Variants in EYS observed in about 807,000 individuals in gnomAD.
The protein encoded by EYS is EGF-like photoreceptor maintenance factor.
EYS carries 250 observed loss-of-function variants against 282.1 expected under a neutral mutation model. The ratio of observed to expected loss-of-function variants is 0.89; its 90% CI spans 0.80 to 0.98. The LOEUF (loss-of-function observed/expected upper bound fraction) is 0.98, where lower values mean the gene tolerates loss of function less well. EYS is among the 50% of genes least tolerant of loss of function. The probability of loss-of-function intolerance (pLI) is 0.00; values close to 1 mark genes in which losing one functional copy is unlikely to be tolerated. For synonymous variants in EYS, 1,355 were observed against 1,282.9 expected (o/e 1.06, Z -1.20); for missense variants, 4,016 against 3,709.0 (o/e 1.08, Z -2.15).
intron 31 of EYS, among the ~76,000 whole-genome samples, chr6:64,143,652 A>G (rs922504292): frequency 6.6e-6 from 1 of 152,090 alleles, no homozygotes; most frequent in Non-Finnish European, 1.5e-5. Flanking sequence ...CTCTCTCCAG[A>G]CCCTGTCCCC....
At chr6:63,758,066 A>G (rs971686624) in intron 41 of EYS, among the ~76,000 whole-genome samples, 2 of 151,998 alleles carry the variant, frequency 1.3e-5, no homozygotes, top group Admixed American at 1.3e-4. Flanking sequence ...CACCTGGCTA[A>G]TTATTCTATT....
rs1215428969 is a variant in EYS, at chr6:65,057,671, C to T, written c.2080G>A (p.Ala694Thr). 6.4e-7 allele frequency: 1 copy of T among 1,551,182 alleles called. No homozygotes were observed. The highest frequency in any genetic ancestry group is 8.7e-7 in the Non-Finnish European group (1 of 1,146,720). The change falls in exon 13 of 43, where the codon GCC becomes ACC. Residue 694 changes from alanine to threonine, a missense_variant. Ala to Thr is a moderately conservative substitution (Grantham distance 58). Coordinates refer to ENST00000503581, the MANE Select transcript of EYS (RefSeq NM_001142800.2). The part of the protein sequence containing the change: ...ECASHPCKNG[A>T]TCIDQPGNYF... The stretch of plus-strand genomic sequence containing the variant: ...TTACCAGGTTGGTCAATGCAGGTGG[C>T]TCCATTTTTGCAGGGATGTGAAGCA...
intron 36 of EYS, among the ~76,000 whole-genome samples, chr6:63,847,036 A>G (rs532978425): frequency 6.6e-6 from 1 of 152,326 alleles, no homozygotes; most frequent in African/African-American, 2.4e-5. Flanking sequence ...CCTTCAGGAA[A>G]CATGGATAAC....
At chr6:64,695,526 A>C (rs1193505257) in intron 22 of EYS, among the ~76,000 whole-genome samples, 1 of 151,938 alleles carries the variant, frequency 6.6e-6, no homozygotes, top group East Asian at 1.9e-4. Context: ...AATCATACAG[A>C]GTATACACCA....
chr6:64,190,094 G>A (rs1410070639), intron 31 of EYS, among the ~76,000 whole-genome samples: 2 of 152,164 alleles, frequency 1.3e-5, no homozygotes, highest in Non-Finnish European at 2.9e-5. Context: ...CAAATAGGAT[G>A]GAGTGGAGAC....
chr6:65,215,391 T>G (rs1222206543), intron 12 of EYS, among the ~76,000 whole-genome samples: 1 of 152,096 alleles, frequency 6.6e-6, no homozygotes, highest in African/African-American at 2.4e-5. Flanking sequence ...ACAAGAGAAC[T>G]AGAATTAGAA....
intron 31 of EYS, among the ~76,000 whole-genome samples, chr6:64,124,785 A>G (rs1463824557): frequency 1.3e-5 from 2 of 152,236 alleles, no homozygotes; most frequent in Non-Finnish European, 2.9e-5. Context: ...ATAATCAAAC[A>G]TAATCAGAAA....
At chr6:64,138,313 G>A (rs757875043) in intron 31 of EYS, among the ~76,000 whole-genome samples, 11 of 152,012 alleles carry the variant, frequency 7.2e-5, no homozygotes, top group Non-Finnish European at 1.2e-4. Flanking sequence ...TTATGAAGAC[G>A]GAAAAATCTT....
chr6:64,014,724 A>G (rs1768803518), intron 33 of EYS, among the ~76,000 whole-genome samples: 2 of 151,772 alleles, frequency 1.3e-5, no homozygotes, highest in South Asian at 2.1e-4. Flanking sequence ...TGGTTTCTCT[A>G]CCAGCTAGCA....
intron 12 of EYS, among the ~76,000 whole-genome samples, chr6:65,256,335 T>G (rs561023210): frequency 2.7e-4 from 39 of 142,984 alleles, no homozygotes; most frequent in Non-Finnish European, 5.2e-4. Context: ...TAGTTACATA[T>G]GTATACATGT....
intron 19 of EYS, among the ~76,000 whole-genome samples, chr6:64,844,426 T>C (rs1347386142): frequency 6.6e-6 from 1 of 151,498 alleles, no homozygotes; most frequent in East Asian, 1.9e-4. Flanking sequence ...TTTCTCAAAA[T>C]ATTTTCCAAA....
chr6:65,546,612 T>C (rs919020465), intron 2 of EYS, among the ~76,000 whole-genome samples: 3 of 151,940 alleles, frequency 2.0e-5, no homozygotes, highest in African/African-American at 7.3e-5. Context: ...GACAGAGCCT[T>C]GCTCTGTTGT....
Position 64,273,022 on chromosome 6 carries a change from T to A in EYS, c.6191+33948A>T, listed in dbSNP as rs199637450. On this transcript the variant is annotated intron_variant, in intron 30 of 42. Transcript: ENST00000503581. ...TTCGGTTTTCTATGAGGGTAATCTA[T>A]GAATTTTGTTTTTCTTCTAAGCAAA... Among the ~76,000 whole-genome samples the A allele has an allele frequency of 7.9e-5, 12 of 152,278 alleles. No homozygotes were observed. In the East Asian group the frequency reaches 2.3e-3, roughly 29 times the overall value.
chr6:64,663,499 G>T (rs764575124), intron 22 of EYS, among the ~76,000 whole-genome samples: 2 of 152,126 alleles, frequency 1.3e-5, no homozygotes, highest in Non-Finnish European at 2.9e-5. Context: ...ATAAGACAAA[G>T]CTATCACGGG....
chr6:65,186,713 T>A (rs1765525153), intron 12 of EYS, among the ~76,000 whole-genome samples: 1 of 151,784 alleles, frequency 6.6e-6, no homozygotes, highest in Non-Finnish European at 1.5e-5. Flanking sequence ...CTTAAAAGAT[T>A]GGGCTTCAGA....
At chr6:65,385,862 A>G (rs149819611) in intron 7 of EYS, among the ~76,000 whole-genome samples, 3 of 152,088 alleles carry the variant, frequency 2.0e-5, no homozygotes, top group Non-Finnish European at 4.4e-5. Flanking sequence ...AACTTAATGA[A>G]AGGTAGCAAC....
At chr6:64,808,954 G>A (rs1764514771) in intron 22 of EYS, among the ~76,000 whole-genome samples, 1 of 152,062 alleles carries the variant, frequency 6.6e-6, no homozygotes, top group Admixed American at 6.6e-5. Flanking sequence ...ACTCATACTT[G>A]TGTAGTAATT....
intron 31 of EYS, among the ~76,000 whole-genome samples, chr6:64,219,261 A>G (rs534306893): frequency 6.6e-6 from 1 of 152,320 alleles, no homozygotes; most frequent in South Asian, 2.1e-4. Context: ...AATTGAATAT[A>G]AGAGGGAAGT....
intron 26 of EYS, among the ~76,000 whole-genome samples, chr6:64,587,588 A>C (rs185920699): frequency 1.3e-5 from 2 of 152,126 alleles, no homozygotes; most frequent in Admixed American, 1.3e-4. Flanking sequence ...TTTTAATGCC[A>C]TTTAGTGTTA....
Sources: gnomAD v4.1 joint callset for allele counts (sites outside exome capture counted in the v4.1 genomes callset) on GRCh38, gnomAD v4.1.1 for gene constraint, MANE v1.5 for transcripts, NCBI Gene and HGNC (gene_info 2026-07-23, HGNC 2026-07-21) for gene names.